Variants in FARP1 observed in about 807,000 individuals in gnomAD.
FARP1 encodes the protein FERM, ARH/RhoGEF and pleckstrin domain protein 1.
FARP1 carries 52 observed loss-of-function variants against 128.8 expected under a neutral mutation model. That is an observed-to-expected ratio of 0.40 (90% CI 0.32 to 0.51). FARP1 has a LOEUF of 0.51. Among genes scored for constraint, FARP1 ranks in the 20% least tolerant of loss-of-function variants. The pLI is 0.45. For missense variants in FARP1, 1,333 were observed against 1,367.9 expected (o/e 0.97, Z 0.40); for synonymous variants, 580 against 551.8 (o/e 1.05, Z -0.72).
chr13:98,150,588 G>A (rs569614262), intron 1 of FARP1, among the ~76,000 whole-genome samples: 2 of 152,200 alleles, frequency 1.3e-5, no homozygotes, highest in South Asian at 4.2e-4. Context: ...TCTAGTTATT[G>A]AACTTATTTA....
chr13:98,295,889 T>G (rs977715082), intron 2 of FARP1, among the ~76,000 whole-genome samples: 1 of 152,174 alleles, frequency 6.6e-6, no homozygotes, highest in Admixed American at 6.5e-5. Context: ...TTTGCATTCT[T>G]AAAATTAAGA....
chr13:98,397,952 A>G (rs894625650), intron 13 of FARP1: 3 of 150,812 alleles, frequency 2.0e-5, no homozygotes, highest in Non-Finnish European at 4.4e-5. Context: ...TTAGATCCTA[A>G]GTAACTACAA....
intron 1 of FARP1, among the ~76,000 whole-genome samples, chr13:98,167,261 G>A (rs1378476931): frequency 6.6e-6 from 1 of 152,090 alleles, no homozygotes; most frequent in Non-Finnish European, 1.5e-5. Context: ...CTTTGTATAT[G>A]GAGAAAATCA....
intron 2 of FARP1, among the ~76,000 whole-genome samples, chr13:98,289,032 C>G (rs1413822815): frequency 6.8e-6 from 1 of 146,108 alleles, no homozygotes; most frequent in Non-Finnish European, 1.5e-5. Context: ...TCTTTTATAA[C>G]TCATTAATGT....
chr13:98,384,029 T>C (rs1889992721), intron 6 of FARP1: 1 of 152,216 alleles, frequency 6.6e-6, no homozygotes. Flanking sequence ...AGTTTCACTT[T>C]GATGTTTATA....
chr13:98,333,963 T>G (rs35646765), intron 2 of FARP1: 21,912 of 145,868 alleles, frequency 0.15, 1,727 homozygotes, highest in East Asian at 0.25. Flanking sequence ...CTTCTCCTCC[T>G]CCACATCATC....
intron 1 of FARP1, among the ~76,000 whole-genome samples, chr13:98,179,794 T>TTA (rs1243059566): frequency 2.0e-5 from 3 of 151,956 alleles, no homozygotes; most frequent in South Asian, 2.1e-4. Flanking sequence ...GAGGCAGAGC[T>TTA]TACAGTGAGC....
At chr13:98,339,700 C>T (rs1887883008) in intron 2 of FARP1, among the ~76,000 whole-genome samples, 1 of 152,198 alleles carries the variant, frequency 6.6e-6, no homozygotes, top group South Asian at 2.1e-4. Context: ...TATAAGTTGA[C>T]ATCACCCTAT....
chr13:98,424,643 G>A lies in FARP1; in HGVS notation c.1898G>A (p.Gly633Asp). The change falls in exon 17 of 27, where the codon GGC becomes GAC. Residue 633 changes from glycine (G) to aspartate (D), a missense_variant. Physicochemically the swap from Gly to Asp is moderately conservative, Grantham distance 94 (BLOSUM62 -1). Transcript: ENST00000319562. Reference sequence around the variant, plus strand: ...GATGTCATGCTGAAGAACATTCAGGGCATGAAGGTGAGCTGGTTGAGATTT... The same window carrying A: ...GATGTCATGCTGAAGAACATTCAGGACATGAAGGTGAGCTGGTTGAGATTT... ...IGDVMLKNIQ[G>D]MKHLAAHLWK... 1 of 1,611,246 alleles carries A rather than the reference G, an allele frequency of 6.2e-7. No homozygotes were observed. The highest frequency in any genetic ancestry group is 8.5e-7 in the Non-Finnish European group (1 of 1,177,362).
intron 1 of FARP1, among the ~76,000 whole-genome samples, chr13:98,153,376 T>A (rs1225544040): frequency 8.4e-6 from 1 of 119,688 alleles, no homozygotes; most frequent in Admixed American, 1.1e-4. Context: ...ATGTTATATA[T>A]AAATATATAA....
intron 2 of FARP1, among the ~76,000 whole-genome samples, chr13:98,317,958 C>T (rs965299835): frequency 3.5e-5 from 5 of 142,196 alleles, no homozygotes; most frequent in South Asian, 4.7e-4. Context: ...CTCTCTCCTG[C>T]GTTTCCTTCC....
Position 98,286,915 on chromosome 13 carries a change from G to A in FARP1, c.172-56847G>A, listed in dbSNP as rs1885196572. Among the ~76,000 whole-genome samples the A allele has an allele frequency of 3.3e-5, 5 of 152,284 alleles. No homozygotes were observed. The South Asian group carries it at 1.0e-3, about 32-fold the overall frequency. ...CTGTGAGCTTATCCAGTCAGATTTTGTTTCCATGATATCACATCATTTTGT... is the reference window on the plus strand; with the variant it reads ...CTGTGAGCTTATCCAGTCAGATTTTATTTCCATGATATCACATCATTTTGT... On this transcript the variant is annotated intron_variant, in intron 2 of 26. Coordinates refer to ENST00000319562, the MANE Select transcript of FARP1 (RefSeq NM_005766.4).
chr13:98,313,981 C>T (rs963013220), intron 2 of FARP1, among the ~76,000 whole-genome samples: 1 of 152,220 alleles, frequency 6.6e-6, no homozygotes, highest in Non-Finnish European at 1.5e-5. Context: ...ACGGCTCACT[C>T]ACCGTTTGGC....
rs186338656 is a variant in FARP1, at chr13:98,264,447, G to C, written c.171+51034G>C. Among the ~76,000 whole-genome samples, 569 of 152,224 alleles carry C rather than the reference G, an allele frequency of 3.7e-3. 3 individuals are homozygous for C. Among genetic ancestry groups the C allele is most frequent in the Non-Finnish European group, 6.7e-3 (454 of 68,022 alleles). ...TGGATCCATGCTGTCCGTGCTCCCC[G>C]TCCGCCAGTCACTCAGGAGCTGCCT... On this transcript the variant is annotated intron_variant, in intron 2 of 26. Coordinates refer to ENST00000319562, the MANE Select transcript of FARP1 (RefSeq NM_005766.4).
intron 13 of FARP1, chr13:98,396,687 T>G (rs1890562732): frequency 2.6e-6 from 1 of 391,772 alleles, no homozygotes; most frequent in South Asian, 1.4e-4. Flanking sequence ...ATAAGTGGCT[T>G]GCTTTCCAGA....
chr13:98,370,929 T>C (rs1336543581), intron 5 of FARP1, among the ~76,000 whole-genome samples: 1 of 152,130 alleles, frequency 6.6e-6, no homozygotes, highest in Non-Finnish European at 1.5e-5. Context: ...CCCGAGCTGC[T>C]AAGCCGGGTC....
intron 16 of FARP1, among the ~76,000 whole-genome samples, chr13:98,417,697 TC>T (rs2140135838): frequency 6.6e-6 from 1 of 152,264 alleles, no homozygotes; most frequent in African/African-American, 2.4e-5. Flanking sequence ...GATGGGACAC[TC>T]TCACAGCTGC....
chr13:98,263,078 G>C (rs1320769099), intron 2 of FARP1, among the ~76,000 whole-genome samples: 1 of 151,878 alleles, frequency 6.6e-6, no homozygotes, highest in Non-Finnish European at 1.5e-5. Flanking sequence ...GCGCAATCTC[G>C]GCTCACCGCA....
At chr13:98,282,909 T>A (rs1237518743) in intron 2 of FARP1, among the ~76,000 whole-genome samples, 20 of 150,896 alleles carry the variant, frequency 1.3e-4, no homozygotes, top group African/African-American at 2.9e-4. Flanking sequence ...CAAAAAAAAA[T>A]AAAAAAAAAT....
Sources: allele counts gnomAD v4.1 joint callset (sites outside exome capture counted in the v4.1 genomes callset), GRCh38; gene constraint gnomAD v4.1.1; transcripts MANE v1.5; gene names NCBI Gene and HGNC (gene_info 2026-07-23, HGNC 2026-07-21).